The following GPR39 variants were observed in gnomAD, a reference collection of about 807,000 sequenced individuals.
GPR39 encodes zinc sensing receptor.
GPR39 carries 23 observed loss-of-function variants against 18.4 expected under a neutral mutation model. The observed-to-expected ratio is 1.25, with a 90% CI of 0.90 to 1.77. GPR39 has a LOEUF of 1.77. Among genes scored for constraint, GPR39 ranks in the 40% most tolerant of loss-of-function variants. The probability of loss-of-function intolerance (pLI) is 0.00; values close to 1 mark genes in which losing one functional copy is unlikely to be tolerated. For synonymous variants in GPR39, 280 were observed against 257.9 expected, an observed-to-expected ratio of 1.09 and a Z score of -0.82; for missense variants, 647 against 602.4, an observed-to-expected ratio of 1.07 and a Z score of -0.78.
At chr2:132,613,849 A>T (rs1003787347) in intron 1 of GPR39, among the ~76,000 whole-genome samples, 1 of 152,216 alleles carries the variant, frequency 6.6e-6, no homozygotes, top group Non-Finnish European at 1.5e-5. Flanking sequence ...CAAACATCTT[A>T]TTCTTCATGA....
At chr2:132,533,926 G>A (rs907065581) in intron 1 of GPR39, among the ~76,000 whole-genome samples, 3 of 152,152 alleles carry the variant, frequency 2.0e-5, no homozygotes, top group Non-Finnish European at 4.4e-5. Context: ...CAGGACATAG[G>A]CATGGGCAAG....
intron 1 of GPR39, among the ~76,000 whole-genome samples, chr2:132,617,472 T>C (rs1470347609): frequency 6.6e-6 from 1 of 152,204 alleles, no homozygotes; most frequent in Non-Finnish European, 1.5e-5. Context: ...GAGATTTAAT[T>C]GCTGTCTTGA....
intron 1 of GPR39, among the ~76,000 whole-genome samples, chr2:132,442,136 C>T: frequency 6.6e-6 from 1 of 152,170 alleles, no homozygotes; most frequent in East Asian, 1.9e-4. Context: ...TACCACCCAA[C>T]CACTTTTTCC....
chr2:132,554,043 A>G (rs1204000691), intron 1 of GPR39, among the ~76,000 whole-genome samples: 1 of 152,180 alleles, frequency 6.6e-6, no homozygotes, highest in East Asian at 1.9e-4. Flanking sequence ...TACCTCCCTC[A>G]TTCATGCTGC....
intron 1 of GPR39, among the ~76,000 whole-genome samples, chr2:132,438,044 C>G (rs962974740): frequency 3.9e-5 from 6 of 152,158 alleles, no homozygotes; most frequent in African/African-American, 1.2e-4. Context: ...CTGGCAACAG[C>G]CATAAACATT....
At chr2:132,631,508 T>C (rs148140591) in intron 1 of GPR39, among the ~76,000 whole-genome samples, 39 of 152,340 alleles carry the variant, frequency 2.6e-4, no homozygotes, top group Non-Finnish European at 5.0e-4. Flanking sequence ...CTGAGAGCTT[T>C]ACTGATTTCT....
intron 1 of GPR39, among the ~76,000 whole-genome samples, chr2:132,442,673 G>A (rs1016338391): frequency 1.5e-4 from 23 of 152,274 alleles, no homozygotes; most frequent in Admixed American, 1.2e-3. Context: ...TTACCTTGTC[G>A]GAGGCTTCCT....
At chr2:132,595,028 C>T (rs1558852172) in intron 1 of GPR39, among the ~76,000 whole-genome samples, 2 of 152,104 alleles carry the variant, frequency 1.3e-5, no homozygotes, top group African/African-American at 2.4e-5. Context: ...GACAGAGTTT[C>T]ACTCTTATTG....
chr2:132,576,251 G>A (rs932041400), intron 1 of GPR39, among the ~76,000 whole-genome samples: 2 of 152,032 alleles, frequency 1.3e-5, no homozygotes, highest in African/African-American at 4.8e-5. Context: ...TCTCTCAGTT[G>A]GTTGCTTATC....
intron 1 of GPR39, among the ~76,000 whole-genome samples, chr2:132,572,834 C>T (rs1293249073): frequency 2.0e-5 from 3 of 152,182 alleles, no homozygotes; most frequent in Admixed American, 2.0e-4. Flanking sequence ...TGTGGTTTGT[C>T]TTTCTTGGAC....
intron 1 of GPR39, among the ~76,000 whole-genome samples, chr2:132,553,453 T>A (rs556623218): frequency 1.3e-4 from 19 of 151,948 alleles, no homozygotes; most frequent in African/African-American, 3.9e-4. Flanking sequence ...TACCATTAGA[T>A]GTATGCTGAA....
chr2:132,440,268 G>T (rs1232509921), intron 1 of GPR39, among the ~76,000 whole-genome samples: 1 of 152,180 alleles, frequency 6.6e-6, no homozygotes, highest in African/African-American at 2.4e-5. Context: ...TAATTGCAGT[G>T]AGTTCTATTG....
chr2:132,569,894 G>C (rs1231757061), intron 1 of GPR39, among the ~76,000 whole-genome samples: 6 of 152,188 alleles, frequency 3.9e-5, no homozygotes, highest in Non-Finnish European at 8.8e-5. Context: ...TGCCATGTGA[G>C]ACAGGGCTTT....
At chr2:132,501,065 T>C (rs1020973927) in intron 1 of GPR39, among the ~76,000 whole-genome samples, 3 of 149,962 alleles carry the variant, frequency 2.0e-5, no homozygotes, top group African/African-American at 4.9e-5. Flanking sequence ...TTTTTTTTTT[T>C]TTTTTTTTGG....
intron 1 of GPR39, among the ~76,000 whole-genome samples, chr2:132,559,605 T>G (rs1404056319): frequency 1.3e-5 from 2 of 151,972 alleles, no homozygotes; most frequent in Non-Finnish European, 2.9e-5. Flanking sequence ...GGCCAGGTCT[T>G]GGGAGTAGTC....
At chr2:132,542,354 G>C (rs2104786725) in intron 1 of GPR39, among the ~76,000 whole-genome samples, 1 of 152,286 alleles carries the variant, frequency 6.6e-6, no homozygotes, top group Non-Finnish European at 1.5e-5. Context: ...GGCAAGCTTG[G>C]CTTCTGATCC....
At chr2:132,477,271 C>T (rs911082735) in intron 1 of GPR39, among the ~76,000 whole-genome samples, 17 of 152,088 alleles carry the variant, frequency 1.1e-4, no homozygotes, top group Middle Eastern at 3.4e-3. Context: ...CTTTGAAGGA[C>T]GAGTAGAAGA....
chr2:132,509,431 T>C (rs1028002388), intron 1 of GPR39, among the ~76,000 whole-genome samples: 1 of 94,712 alleles, frequency 1.1e-5, no homozygotes, highest in African/African-American at 3.8e-5. Context: ...TCAAATATCA[T>C]ATACACACTC....
chr2:132,612,965 A>C (rs534289752), intron 1 of GPR39, among the ~76,000 whole-genome samples: 1 of 152,268 alleles, frequency 6.6e-6, no homozygotes, highest in Non-Finnish European at 1.5e-5. Flanking sequence ...TAGGCTTTAA[A>C]AATTTCTGTT....
Sources: allele counts gnomAD v4.1 joint callset (sites outside exome capture counted in the v4.1 genomes callset), GRCh38; gene constraint gnomAD v4.1.1; transcripts MANE v1.5; gene names NCBI Gene and HGNC (gene_info 2026-07-23, HGNC 2026-07-21).